The following SEMA3A variants were observed in gnomAD, a reference collection of about 807,000 sequenced individuals.
The protein encoded by SEMA3A is semaphorin 3A.
In SEMA3A, 29 loss-of-function variants were observed where a neutral mutation model predicts 97.9. That is an observed-to-expected ratio of 0.30 (90% CI 0.22 to 0.40). The LOEUF (loss-of-function observed/expected upper bound fraction) is 0.40, where lower values mean the gene tolerates loss of function less well. Among genes scored for constraint, SEMA3A ranks in the 10% least tolerant of loss-of-function variants. The pLI, the probability that SEMA3A is intolerant of heterozygous loss-of-function variation, is 1.00. For synonymous variants in SEMA3A, 321 were observed against 323.7 expected, an observed-to-expected ratio of 0.99 and a Z score of 0.09; for missense variants, 763 against 951.3, an observed-to-expected ratio of 0.80 and a Z score of 2.60.
In SEMA3A at chr7:84,280,422, T is replaced by C. The variant is rs17244895; in HGVS notation, c.-83+26785A>G. Among the ~76,000 whole-genome samples the C allele has an allele frequency of 2.5e-3, 375 of 152,294 alleles. 1 individual carries two copies. Among genetic ancestry groups the C allele is most frequent in the South Asian group, 4.6e-3 (22 of 4,832 alleles). ...TTAAAGTTACACCATGCTCATATTG[T>C]GAATTATGTATCATTTATCAATATG... On this transcript the variant is annotated intron_variant, in intron 3 of 3. Coordinates refer to the SEMA3A transcript ENST00000424555.
intron 15 of SEMA3A, among the ~76,000 whole-genome samples, chr7:83,976,852 C>T (rs1462410505): frequency 1.3e-5 from 2 of 152,060 alleles, no homozygotes; most frequent in African/African-American, 2.4e-5. Context: ...AGTACTTAAA[C>T]ATGGCTTCTT....
chr7:83,979,540 A>G (rs1789308063), intron 14 of SEMA3A, among the ~76,000 whole-genome samples: 1 of 152,196 alleles, frequency 6.6e-6, no homozygotes, highest in African/African-American at 2.4e-5. Flanking sequence ...AAGACTGCAT[A>G]TTGCTATTCC....
At chr7:84,171,140 T>G (rs545412291) in intron 1 of SEMA3A, among the ~76,000 whole-genome samples, 3 of 152,226 alleles carry the variant, frequency 2.0e-5, no homozygotes, top group South Asian at 2.1e-4. Context: ...ATCCCCTGAA[T>G]AGTTATTTCA....
At chr7:84,403,537 G>A (rs1346085493) in intron 1 of SEMA3A, among the ~76,000 whole-genome samples, 1 of 152,208 alleles carries the variant, frequency 6.6e-6, no homozygotes, top group African/African-American at 2.4e-5. Flanking sequence ...TGACAGCTTT[G>A]AAGAGAGTAG....
intron 11 of SEMA3A, among the ~76,000 whole-genome samples, chr7:84,002,296 C>T (rs956603839): frequency 1.3e-5 from 2 of 151,980 alleles, no homozygotes; most frequent in South Asian, 2.1e-4. Flanking sequence ...ATATGTTTAG[C>T]CTTGAAGAAG....
At chr7:84,437,240 A>G (rs1384399622) in intron 1 of SEMA3A, among the ~76,000 whole-genome samples, 1 of 152,096 alleles carries the variant, frequency 6.6e-6, no homozygotes, top group African/African-American at 2.4e-5. Flanking sequence ...GTTACAATAA[A>G]AAAGGAATAA....
chr7:84,441,205 C>A (rs1805265320), intron 1 of SEMA3A, among the ~76,000 whole-genome samples: 1 of 151,272 alleles, frequency 6.6e-6, no homozygotes, highest in Non-Finnish European at 1.5e-5. Flanking sequence ...AAAACAGAAA[C>A]TGACCCTGAA....
chr7:84,104,186 G>C (rs780637278), intron 4 of SEMA3A, among the ~76,000 whole-genome samples: 6 of 151,992 alleles, frequency 3.9e-5, no homozygotes, highest in Non-Finnish European at 8.8e-5. Context: ...AGATACTATA[G>C]TGCTCACTTC....
At chr7:83,994,817 G>T (rs1266726577) in intron 12 of SEMA3A, among the ~76,000 whole-genome samples, 1 of 151,970 alleles carries the variant, frequency 6.6e-6, no homozygotes, top group Non-Finnish European at 1.5e-5. Context: ...AGGCAGGCAG[G>T]CCTCCTTGAG....
chr7:84,163,759 T>A (rs893605421), intron 1 of SEMA3A, among the ~76,000 whole-genome samples: 25 of 151,054 alleles, frequency 1.7e-4, no homozygotes, highest in African/African-American at 6.2e-4. Context: ...AATTAAGTCA[T>A]TTTTTTTCCA....
At chr7:84,025,909 T>A (rs981180429) in intron 6 of SEMA3A, among the ~76,000 whole-genome samples, 10 of 152,200 alleles carry the variant, frequency 6.6e-5, no homozygotes, top group African/African-American at 1.9e-4. Flanking sequence ...CATGGAGTGT[T>A]TGCACCTATG....
intron 14 of SEMA3A, among the ~76,000 whole-genome samples, chr7:83,979,133 C>CTTT (rs761341563): frequency 3.7e-5 from 5 of 134,410 alleles, no homozygotes; most frequent in Non-Finnish European, 4.8e-5. Flanking sequence ...ACGAATTCCA[C>CTTT]TTTTTTTTTT....
chr7:83,971,926 G>A lies in SEMA3A; in HGVS notation c.1717+5206C>T, dbSNP rs111942181. Among the ~76,000 whole-genome samples the A allele has an allele frequency of 3.3e-5, 5 of 152,074 alleles. 1 individual carries two copies. The highest frequency in any genetic ancestry group is 1.2e-4 in the African/African-American group (5 of 41,500). On this transcript the variant is annotated intron_variant, in intron 15 of 16. Coordinates refer to ENST00000265362, the MANE Select transcript of SEMA3A (RefSeq NM_006080.3). ...ATTTAGAATTTTACAGTTTTAAGTA[G>A]TTTCTAATCTTTCCTGAATCCATAG... is the stretch of plus-strand genomic sequence containing the variant.
intron 1 of SEMA3A, among the ~76,000 whole-genome samples, chr7:84,190,962 T>C (rs34699831): frequency 0.064 from 9,373 of 147,148 alleles, 346 homozygotes; most frequent in African/African-American, 0.093. Flanking sequence ...TATTGGTATA[T>C]ACACACACAC....
At chr7:84,451,337 A>C (rs1015630833) in intron 1 of SEMA3A, among the ~76,000 whole-genome samples, 2 of 152,196 alleles carry the variant, frequency 1.3e-5, no homozygotes, top group African/African-American at 4.8e-5. Flanking sequence ...ATTTAAAGTC[A>C]CTTCCACCAG....
chr7:84,351,143 A>C (rs1170710354), intron 2 of SEMA3A, among the ~76,000 whole-genome samples: 1 of 151,988 alleles, frequency 6.6e-6, no homozygotes, highest in African/African-American at 2.4e-5. Flanking sequence ...ACGCATCAGA[A>C]GCTTGTAGAG....
intron 6 of SEMA3A, among the ~76,000 whole-genome samples, 200 bp downstream of exon 6, chr7:84,046,123 CT>C (rs1476414481): frequency 6.6e-6 from 1 of 151,996 alleles, no homozygotes; most frequent in East Asian, 1.9e-4. Context: ...AACTTTGGCA[CT>C]AAATGAATCT....
chr7:84,050,879 T>A (rs932603663), intron 5 of SEMA3A, among the ~76,000 whole-genome samples: 54 of 151,382 alleles, frequency 3.6e-4, no homozygotes, highest in African/African-American at 1.3e-3. Context: ...CTTGAATTGA[T>A]TTTTGTATAA....
chr7:84,372,918 T>A (rs1584272028), intron 1 of SEMA3A, among the ~76,000 whole-genome samples: 1 of 152,162 alleles, frequency 6.6e-6, no homozygotes, highest in Non-Finnish European at 1.5e-5. Context: ...ACTCTGGCTA[T>A]GAATTTCATC....
Sources: allele counts gnomAD v4.1 joint callset (sites outside exome capture counted in the v4.1 genomes callset), GRCh38; gene constraint gnomAD v4.1.1; transcripts MANE v1.5; gene names NCBI Gene and HGNC (gene_info 2026-07-23, HGNC 2026-07-21).